FRAS1: variants seen among roughly 807,000 people sequenced by gnomAD.
The protein encoded by FRAS1 is extracellular matrix organizing protein FRAS1.
A neutral mutation model predicts 435.2 loss-of-function variants in FRAS1; 290 were observed. That is an observed-to-expected ratio of 0.67 (90% CI 0.61 to 0.73). FRAS1 has a LOEUF of 0.73. Among genes scored for constraint, FRAS1 ranks in the 30% least tolerant of loss-of-function variants. The pLI is 0.00. For synonymous variants in FRAS1, 1,800 were observed against 1,851.0 expected, an observed-to-expected ratio of 0.97 and a Z score of 0.71; for missense variants, 4,860 against 5,001.5, an observed-to-expected ratio of 0.97 and a Z score of 0.85.
chr4:78,171,912 G>A (rs1324008685), intron 2 of FRAS1, among the ~76,000 whole-genome samples: 1 of 151,960 alleles, frequency 6.6e-6, no homozygotes, highest in African/African-American at 2.4e-5. Flanking sequence ...CTTGCTAGCT[G>A]TATCTACACT....
chr4:78,105,618 G>A (rs960558974), intron 2 of FRAS1, among the ~76,000 whole-genome samples: 1 of 152,120 alleles, frequency 6.6e-6, no homozygotes, highest in African/African-American at 2.4e-5. Flanking sequence ...CCTCACCATC[G>A]TTTTTGAACA....
At chr4:78,424,258 C>T (rs757208812) in intron 34 of FRAS1, 130 bp from the exon 35 acceptor site, 6 of 468,038 alleles carry the variant, frequency 1.3e-5, no homozygotes, top group African/African-American at 2.0e-5. Context: ...GGTGATCTTT[C>T]CTTAAAAAAG....
intron 47 of FRAS1, 138 bp from the exon 48 acceptor site, chr4:78,463,883 C>T: frequency 3.2e-6 from 3 of 929,872 alleles, no homozygotes; most frequent in Non-Finnish European, 5.0e-6. Context: ...CAACAAGGTC[C>T]TCAAGTGGAG....
chr4:78,505,316 A>G lies in FRAS1; in HGVS notation c.9317-2105A>G, dbSNP rs572267701. Reference sequence around the variant, plus strand: ...AGTTCTCCTGGATAATATCCTGAAGAGTGTTTTCCAACTTGGTTCCATTTT... The same window carrying G: ...AGTTCTCCTGGATAATATCCTGAAGGGTGTTTTCCAACTTGGTTCCATTTT... On this transcript the variant is annotated intron_variant, in intron 61 of 73. Coordinates refer to ENST00000512123, the MANE Select transcript of FRAS1 (RefSeq NM_025074.7). 2.0e-5 allele frequency among the ~76,000 whole-genome samples: 3 copies of G among 152,280 alleles called. No homozygotes were observed. The South Asian group carries it at 6.2e-4, about 32-fold the overall frequency.
At chr4:78,105,332 G>T (rs1025999152) in intron 2 of FRAS1, among the ~76,000 whole-genome samples, 1 of 152,298 alleles carries the variant, frequency 6.6e-6, no homozygotes, top group Admixed American at 6.5e-5. Flanking sequence ...GGGATGGAGT[G>T]GTTGACAGGC....
intron 2 of FRAS1, chr4:78,182,090 C>G (rs1305742487): frequency 6.9e-7 from 1 of 1,449,898 alleles, no homozygotes; most frequent in South Asian, 1.5e-5. Flanking sequence ...TGCAGCGGGC[C>G]GCGCCGAGCC....
chr4:78,259,336 G>A (rs1725960381), intron 6 of FRAS1, among the ~76,000 whole-genome samples: 1 of 120,472 alleles, frequency 8.3e-6, no homozygotes, highest in African/African-American at 2.9e-5. Flanking sequence ...GTGTAAAAGT[G>A]TTCCTATTTC....
chr4:78,094,858 C>A (rs751807324), intron 2 of FRAS1, among the ~76,000 whole-genome samples: 10 of 152,082 alleles, frequency 6.6e-5, no homozygotes, highest in Admixed American at 2.6e-4. Context: ...AATTCCTATG[C>A]CTTGATTTCC....
rs182140759 is a variant in FRAS1 at position 78,305,537 on chromosome 4, T to G, written c.1535-2529T>G. On this transcript the variant is annotated intron_variant, in intron 14 of 73. Coordinates refer to ENST00000512123, the MANE Select transcript of FRAS1 (RefSeq NM_025074.7). ...TCGCTAAGGACTTGCTTTATGAATC[T>G]GGGTGCTGCTGTATTGGGTGCATAT... Among the ~76,000 whole-genome samples, 1,153 of 142,388 alleles carry G rather than the reference T, an allele frequency of 8.1e-3. 20 individuals are homozygous for G. Among genetic ancestry groups the G allele is most frequent in the Middle Eastern group, 0.028 (8 of 286 alleles). The allele number at this position is 142,388 out of a possible 152,430, so 93.4% of individuals were successfully genotyped here.
At chr4:78,436,607 C>T (rs144576894) in intron 38 of FRAS1, among the ~76,000 whole-genome samples, 3 of 152,116 alleles carry the variant, frequency 2.0e-5, no homozygotes, top group Middle Eastern at 3.4e-3. Context: ...ACTAACTTGA[C>T]AGAATATTAG....
chr4:78,301,120 CT>C (rs1728371868), intron 14 of FRAS1, among the ~76,000 whole-genome samples: 1 of 152,176 alleles, frequency 6.6e-6, no homozygotes, highest in Non-Finnish European at 1.5e-5. Flanking sequence ...GGGATGCCTA[CT>C]TGAATTACTA....
chr4:78,169,178 C>CA (rs1439689862), intron 2 of FRAS1, among the ~76,000 whole-genome samples: 1 of 152,076 alleles, frequency 6.6e-6, no homozygotes, highest in Non-Finnish European at 1.5e-5. Context: ...AGCCATCATG[C>CA]ATTCATCATA....
At chr4:78,317,560 A>G (rs372010707) in intron 17 of FRAS1, 52 bp downstream of exon 17, 3 of 1,527,730 alleles carry the variant, frequency 2.0e-6, no homozygotes, top group Admixed American at 4.4e-5. Context: ...AAGAACATAG[A>G]TTTACTTTTT....
Position 78,066,057 on chromosome 4 carries a change from G to A in FRAS1, c.108+41G>A, listed in dbSNP as rs1226058743. 4.2e-6 allele frequency: 6 copies of A among 1,443,294 alleles called. No individual in the cohort carries two copies. The South Asian group carries it at 4.6e-5, about 11-fold the overall frequency. 89.4% of individuals were successfully genotyped at this position (1,443,294 alleles called of 1,614,324 possible). The stretch of plus-strand genomic sequence containing the variant: ...CATACTTGGTTTCTGTCATTTGAAT[G>A]TAAAATGCTTGATTGAAGTTCCTGA... On this transcript the variant is annotated intron_variant, in intron 2 of 73. Transcript: ENST00000512123.
At chr4:78,125,919 C>G (rs1364996782) in intron 2 of FRAS1, among the ~76,000 whole-genome samples, 1 of 152,150 alleles carries the variant, frequency 6.6e-6, no homozygotes, top group Admixed American at 6.5e-5. Context: ...TCAGAGCTGT[C>G]AGGCAGGGAC....
chr4:78,486,602 T>A (rs1433371865), intron 58 of FRAS1, among the ~76,000 whole-genome samples: 1 of 152,132 alleles, frequency 6.6e-6, no homozygotes, highest in African/African-American at 2.4e-5. Flanking sequence ...TATACTGCCT[T>A]ATGGGGTTGG....
chr4:78,372,111 C>T (rs1361027051), intron 23 of FRAS1, among the ~76,000 whole-genome samples: 6 of 152,150 alleles, frequency 3.9e-5, no homozygotes, highest in Admixed American at 1.3e-4. Context: ...TAATTGAGTC[C>T]GTTCTAATGC....
intron 2 of FRAS1, among the ~76,000 whole-genome samples, chr4:78,215,140 A>T (rs562714510): frequency 2.0e-5 from 3 of 152,122 alleles, no homozygotes; most frequent in East Asian, 3.9e-4. Flanking sequence ...TTTTAAAAAA[A>T]TTTTAATTGT....
chr4:78,197,391 C>A (rs1326880570), intron 2 of FRAS1, among the ~76,000 whole-genome samples: 1 of 152,140 alleles, frequency 6.6e-6, no homozygotes, highest in African/African-American at 2.4e-5. Context: ...GACTGGCATA[C>A]AATAAGATGT....
Sources: gnomAD v4.1 joint callset for allele counts (sites outside exome capture counted in the v4.1 genomes callset) on GRCh38, gnomAD v4.1.1 for gene constraint, MANE v1.5 for transcripts, NCBI Gene and HGNC (gene_info 2026-07-23, HGNC 2026-07-21) for gene names.